Variants in RAPGEF2 observed in about 807,000 individuals in gnomAD.
RAPGEF2 encodes the protein PDZ domain containing guanine nucleotide exchange factor (GEF) 1.
Under a neutral mutation model 186.7 loss-of-function variants are expected in RAPGEF2, and 54 were observed. The observed-to-expected ratio is 0.29, with a 90% CI of 0.23 to 0.36. The LOEUF is 0.36. RAPGEF2 is among the 10% of genes least tolerant of loss of function. The pLI, the probability that RAPGEF2 is intolerant of heterozygous loss-of-function variation, is 1.00. For synonymous variants in RAPGEF2, 712 were observed against 705.9 expected (o/e 1.01, Z -0.14); for missense variants, 1,532 against 2,045.0 (o/e 0.75, Z 4.84).
intron 11 of RAPGEF2, chr4:159,326,687 A>T (rs1161762059): frequency 6.6e-6 from 1 of 152,306 alleles, no homozygotes; most frequent in Non-Finnish European, 1.5e-5. Context: ...TCAGAGCTTG[A>T]TATACACACC....
At chr4:159,199,023 C>T (rs1187451379) in intron 3 of RAPGEF2, among the ~76,000 whole-genome samples, 1 of 138,560 alleles carries the variant, frequency 7.2e-6, no homozygotes, top group African/African-American at 2.8e-5. Context: ...TTGCAGTGAG[C>T]TGAGATCACA....
At chr4:159,356,288 C>T (rs1731998287) in intron 29 of RAPGEF2, 130 bp downstream of exon 29, 1 of 969,016 alleles carries the variant, frequency 1.0e-6, no homozygotes, top group Non-Finnish European at 1.5e-6. Context: ...AAGTACACTA[C>T]ATTCAGAGTT....
chr4:159,330,285 GTGTGTGTGTGTA>G, intron 12 of RAPGEF2, 37 bp from the exon 13 acceptor site: 6 of 902,982 alleles, frequency 6.6e-6, no homozygotes, highest in South Asian at 1.6e-5. Context: ...GTGTGTGTGT[GTGTGTGTGTGTA>G]TATATATGTA....
chr4:159,340,096 T>G (rs750275213), intron 19 of RAPGEF2, among the ~76,000 whole-genome samples: 23 of 152,246 alleles, frequency 1.5e-4, no homozygotes, highest in Non-Finnish European at 2.1e-4. Flanking sequence ...GTTCTCATAG[T>G]GGCTGGTTGC....
intron 7 of RAPGEF2, among the ~76,000 whole-genome samples, chr4:159,279,086 G>A (rs1044363025): frequency 1.3e-5 from 2 of 152,144 alleles, no homozygotes; most frequent in Admixed American, 6.5e-5. Context: ...AAAAACAACA[G>A]TAATGATATC....
At chr4:159,192,239 A>C (rs761589972) in intron 2 of RAPGEF2, among the ~76,000 whole-genome samples, 2 of 152,184 alleles carry the variant, frequency 1.3e-5, no homozygotes, top group Non-Finnish European at 2.9e-5. Flanking sequence ...AATCAGCTGC[A>C]ATGTTTCCAG....
intron 11 of RAPGEF2, chr4:159,329,217 G>A (rs1766336091): frequency 6.6e-6 from 1 of 151,866 alleles, no homozygotes; most frequent in African/African-American, 2.4e-5. Context: ...TTATATTTGG[G>A]GTCAGGGAGA....
At chr4:159,219,617 A>G (rs1252476780) in intron 4 of RAPGEF2, among the ~76,000 whole-genome samples, 1 of 152,120 alleles carries the variant, frequency 6.6e-6, no homozygotes, top group Non-Finnish European at 1.5e-5. Context: ...AGCCTCCCAA[A>G]GTGCTGGGAT....
chr4:159,226,680 GA>G (rs1411692294), intron 4 of RAPGEF2, among the ~76,000 whole-genome samples: 2 of 152,152 alleles, frequency 1.3e-5, no homozygotes, highest in Non-Finnish European at 2.9e-5. Flanking sequence ...TTAGTGTACA[GA>G]TCATACACAT....
chr4:159,137,198 G>A (rs987562678), intron 1 of RAPGEF2, among the ~76,000 whole-genome samples: 2 of 152,150 alleles, frequency 1.3e-5, no homozygotes, highest in Admixed American at 1.3e-4. Flanking sequence ...TAGACAGGGT[G>A]GCTTAAACAA....
intron 7 of RAPGEF2, among the ~76,000 whole-genome samples, chr4:159,286,900 T>C (rs1579771622): frequency 1.3e-5 from 2 of 152,228 alleles, no homozygotes; most frequent in East Asian, 3.9e-4. Flanking sequence ...TTATTATGTC[T>C]TTCCCCACTG....
At chr4:159,327,672 A>G (rs1234736726) in intron 11 of RAPGEF2, 2 of 151,478 alleles carry the variant, frequency 1.3e-5, no homozygotes, top group African/African-American at 4.8e-5. Context: ...AAAAAAACTC[A>G]AAGATTTTCA....
intron 7 of RAPGEF2, among the ~76,000 whole-genome samples, chr4:159,249,411 AT>A: frequency 6.7e-6 from 1 of 150,288 alleles, no homozygotes; most frequent in African/African-American, 2.4e-5. Context: ...ATATCAGGTG[AT>A]TGGAAATACT....
chr4:159,104,518 G>GAC (rs1560964655), intron 1 of RAPGEF2, among the ~76,000 whole-genome samples: 1 of 130,194 alleles, frequency 7.7e-6, no homozygotes, highest in Non-Finnish European at 1.6e-5. Flanking sequence ...GAGAGAGAGA[G>GAC]AGAGAGAGGG....
At chr4:159,238,759 C>A in intron 4 of RAPGEF2, 50 bp from the exon 5 acceptor site, 1 of 1,392,272 alleles carries the variant, frequency 7.2e-7, no homozygotes, top group Non-Finnish European at 9.6e-7. Flanking sequence ...AATCATACTA[C>A]TTAAATCTCT....
intron 1 of RAPGEF2, among the ~76,000 whole-genome samples, chr4:159,125,777 A>G (rs2111110512): frequency 6.6e-6 from 1 of 152,048 alleles, no homozygotes; most frequent in East Asian, 1.9e-4. Context: ...AAAAAATAAT[A>G]ATTCGCTGTT....
intron 1 of RAPGEF2, among the ~76,000 whole-genome samples, chr4:159,108,856 A>G (rs562767873): frequency 6.6e-6 from 1 of 152,160 alleles, no homozygotes; most frequent in African/African-American, 2.4e-5. Context: ...AACTGGGTCT[A>G]CAGGCTTATG....
At chr4:159,168,668 C>T (rs1173385836) in intron 1 of RAPGEF2, among the ~76,000 whole-genome samples, 4 of 152,074 alleles carry the variant, frequency 2.6e-5, no homozygotes, top group Non-Finnish European at 5.9e-5. Flanking sequence ...AAAACGACAC[C>T]TCTTTTCTAA....
chr4:159,133,677 G>A (rs1166717984), intron 1 of RAPGEF2, among the ~76,000 whole-genome samples: 3 of 150,788 alleles, frequency 2.0e-5, no homozygotes, highest in Non-Finnish European at 3.0e-5. Flanking sequence ...TCCACCTCCC[G>A]GGTTCATGCC....
Sources: allele counts gnomAD v4.1 joint callset (sites outside exome capture counted in the v4.1 genomes callset), GRCh38; gene constraint gnomAD v4.1.1; transcripts MANE v1.5; gene names NCBI Gene and HGNC (gene_info 2026-07-23, HGNC 2026-07-21).